Variants in WSCD2 observed in about 807,000 individuals in gnomAD.
WSCD2 encodes the protein WSC domain sialate O sulfotransferase 2, also known as sialate:O-sulfotransferase 2.
In WSCD2, 28 loss-of-function variants were observed where a neutral mutation model predicts 55.7. That is an observed-to-expected ratio of 0.50 (90% CI 0.37 to 0.69). WSCD2 has a LOEUF of 0.69. Among genes scored for constraint, WSCD2 ranks in the 30% least tolerant of loss-of-function variants. The pLI, the probability that WSCD2 is intolerant of heterozygous loss-of-function variation, is 0.00. For synonymous variants in WSCD2, 301 were observed against 301.9 expected (o/e 1.00, Z 0.03); for missense variants, 616 against 762.1 (o/e 0.81, Z 2.26).
intron 2 of WSCD2, among the ~76,000 whole-genome samples, chr12:108,200,402 C>A (rs2137064089): frequency 6.6e-6 from 1 of 152,348 alleles, no homozygotes; most frequent in Non-Finnish European, 1.5e-5. Context: ...GATCAGAGTC[C>A]AAAGCCCTTA....
At chr12:108,156,177 A>G (rs962922401) in intron 1 of WSCD2, among the ~76,000 whole-genome samples, 8 of 152,204 alleles carry the variant, frequency 5.3e-5, no homozygotes, top group African/African-American at 1.9e-4. Flanking sequence ...AAGGCAGTAG[A>G]TTTGGTTCTT....
chr12:108,136,613 C>T (rs531265938), intron 1 of WSCD2, among the ~76,000 whole-genome samples: 6 of 152,248 alleles, frequency 3.9e-5, no homozygotes, highest in South Asian at 2.1e-4. Flanking sequence ...TTAAGGGACC[C>T]CAGTCTCCAC....
chr12:108,157,196 GA>G (rs1268978578), intron 1 of WSCD2, among the ~76,000 whole-genome samples: 2 of 152,190 alleles, frequency 1.3e-5, no homozygotes, highest in Admixed American at 6.5e-5. Flanking sequence ...TCAGTTTACA[GA>G]AAAATTGAGT....
chr12:108,139,883 C>T (rs1405014231), intron 1 of WSCD2, among the ~76,000 whole-genome samples: 1 of 152,160 alleles, frequency 6.6e-6, no homozygotes, highest in African/African-American at 2.4e-5. Flanking sequence ...CCTAGCTCAG[C>T]AGTGAAAAGC....
chr12:108,210,438 C>T lies in WSCD2; in HGVS notation c.682+133C>T. ...CTCCAAGGCCACCACCGTCCTGCCC[C>T]TGCCTCACCTCTCCCACTCCCTCAC... is the stretch of plus-strand genomic sequence containing the variant. On this transcript the variant is annotated intron_variant, in intron 4 of 8. Transcript: ENST00000547525. This position sits in a 1 kb window ranked among gnomAD's most constrained non-coding sequence, Gnocchi z 4.3. 8.2e-7 allele frequency: 1 copy of T among 1,216,338 alleles called. No individual in the cohort carries two copies. The highest frequency in any genetic ancestry group is 1.1e-6 in the Non-Finnish European group (1 of 892,864). The allele number at this position is 1,216,338 out of a possible 1,614,324, so 75.3% of individuals were successfully genotyped here.
In WSCD2 at chr12:108,179,484, G is replaced by A. The variant is rs556944888; in HGVS notation, c.-551-15798G>A. On this transcript the variant is annotated intron_variant, in intron 1 of 8. Coordinates refer to ENST00000547525, the MANE Select transcript of WSCD2 (RefSeq NM_014653.4). The stretch of plus-strand genomic sequence containing the variant: ...AATGGCCAGTAGCTTTCTCTGGGCT[G>A]GAAGGTCTTCTCTCTGATTCAGGAG... Among the ~76,000 whole-genome samples the A allele has an allele frequency of 4.6e-5, 7 of 152,344 alleles. No homozygotes were observed. In the South Asian group the frequency reaches 1.5e-3, roughly 32 times the overall value.
intron 1 of WSCD2, among the ~76,000 whole-genome samples, 154 bp from the exon 2 acceptor site, chr12:108,195,128 C>G (rs1883744521): frequency 6.6e-6 from 1 of 152,184 alleles, no homozygotes; most frequent in African/African-American, 2.4e-5. Context: ...CAGGGATGCT[C>G]TTTATCTAGC....
chr12:108,176,667 G>A lies in WSCD2; in HGVS notation c.-551-18615G>A, dbSNP rs1031543994. 4.6e-5 allele frequency among the ~76,000 whole-genome samples: 7 copies of A among 152,336 alleles called. No homozygotes were observed. In the South Asian group the frequency reaches 1.0e-3, roughly 23 times the overall value. On this transcript the variant is annotated intron_variant, in intron 1 of 8. Transcript: ENST00000547525. The stretch of plus-strand genomic sequence containing the variant: ...TCATTTCTCTTGGGCAAATACCTAG[G>A]AGTGGACATTTAACTTTTTAAGAAA...
intron 3 of WSCD2, among the ~76,000 whole-genome samples, chr12:108,208,635 C>T (rs1450461085): frequency 1.3e-5 from 2 of 152,096 alleles, no homozygotes; most frequent in Admixed American, 6.5e-5. Context: ...CATGGGAGTA[C>T]ACAGAGGGTA....
At position 108,206,379 on chromosome 12, in the gene WSCD2, G is replaced by A. The variant is rs191412045; in HGVS notation, c.473G>A (p.Arg158His). Residue 158 changes from arginine (R) to histidine (H), a missense_variant, in exon 3 of 9, where the codon CGT becomes CAT. Coordinates refer to ENST00000547525, the MANE Select transcript of WSCD2 (RefSeq NM_014653.4). ...FFDYKKMTIF[R>H]CQDNCAERGY... ...GACTACAAAAAGATGACCATCTTCC[G>A]TTGCCAGGACAACTGTGCTGAACGG... 87 of 1,614,166 alleles carry A rather than the reference G, an allele frequency of 5.4e-5. No individual in the cohort carries two copies. The highest frequency in any genetic ancestry group is 5.0e-5 in the Admixed American group (3 of 60,022).
chr12:108,235,995 C>T (rs925027808), intron 7 of WSCD2, among the ~76,000 whole-genome samples: 3 of 152,180 alleles, frequency 2.0e-5, no homozygotes, highest in African/African-American at 7.2e-5. Context: ...TTCATGAAAT[C>T]CTTTGCCGCA....
intron 1 of WSCD2, among the ~76,000 whole-genome samples, chr12:108,163,716 G>A (rs1045424489): frequency 2.0e-5 from 3 of 152,184 alleles, no homozygotes; most frequent in East Asian, 1.9e-4. Flanking sequence ...GGGGCCAGGA[G>A]CCAAGGCATG....
chr12:108,196,100 G>A lies in WSCD2; in HGVS notation c.268G>A (p.Gly90Arg), dbSNP rs567605529. ...GEASSIARRYGPWFKGKDGNE... is the reference protein window; with the variant it reads ...GEASSIARRYRPWFKGKDGNE... The stretch of plus-strand genomic sequence containing the variant: ...AGCCTCAAGCATTGCTCGCAGGTAC[G>A]GACCCTGGTTCAAGGGCAAGGATGG... The change falls in exon 2 of 9, where the codon GGA (glycine) becomes AGA (arginine). Residue 90 changes from glycine (G) to arginine (R), a missense_variant. Gly to Arg is a moderately radical substitution (Grantham distance 125). This residue lies in a region of WSCD2 where 374 missense variants were observed against 467.4 expected (regional missense o/e 0.80). Coordinates refer to ENST00000547525, the MANE Select transcript of WSCD2 (RefSeq NM_014653.4). 28 of 1,614,086 alleles carry A rather than the reference G, an allele frequency of 1.7e-5. No homozygotes were observed. The highest frequency in any genetic ancestry group is 4.5e-5 in the East Asian group (2 of 44,864).
chr12:108,153,145 A>T (rs1411902811), intron 1 of WSCD2, among the ~76,000 whole-genome samples: 2 of 138,106 alleles, frequency 1.4e-5, no homozygotes, highest in Non-Finnish European at 3.2e-5. Flanking sequence ...ACTTAGCACG[A>T]GTACTTACAT....
intron 1 of WSCD2, among the ~76,000 whole-genome samples, chr12:108,141,927 T>G (rs1481671564): frequency 6.6e-6 from 1 of 152,158 alleles, no homozygotes; most frequent in African/African-American, 2.4e-5. Context: ...CAACTTGAGA[T>G]GGGAGCCTAT....
At chr12:108,209,856 C>G (rs556898339) in intron 3 of WSCD2, among the ~76,000 whole-genome samples, 5 of 152,010 alleles carry the variant, frequency 3.3e-5, no homozygotes, top group Non-Finnish European at 2.9e-5. Context: ...TGCTACCTCC[C>G]TAATCTCATT....
intron 1 of WSCD2, among the ~76,000 whole-genome samples, chr12:108,151,684 G>T (rs1052151889): frequency 6.6e-6 from 1 of 152,092 alleles, no homozygotes; most frequent in African/African-American, 2.4e-5. Context: ...GGAATCTCCC[G>T]GAATGCCATG....
At position 108,206,332 on chromosome 12, in the gene WSCD2, C is replaced by A; in HGVS notation, c.426C>A (p.Ala142=). 6.2e-7 allele frequency: 1 copy of A among 1,614,212 alleles called. No individual in the cohort carries two copies. Among genetic ancestry groups the A allele is most frequent in the South Asian group, 1.1e-5 (1 of 91,086 alleles). The part of the protein sequence containing the change: ...GCYLDDTQSR[A]LRGVSFFDYK... ...ACCTGGATGACACCCAGAGTCGGGC[C>A]CTTCGAGGAGTGTCCTTTTTTGACT... is the stretch of plus-strand genomic sequence containing the variant. The change falls in exon 3 of 9, where the codon GCC becomes GCA. Residue 142 remains alanine (A), a synonymous_variant. Coordinates refer to ENST00000547525, the MANE Select transcript of WSCD2 (RefSeq NM_014653.4).
chr12:108,242,965 C>A (rs1325082212), intron 8 of WSCD2, among the ~76,000 whole-genome samples: 2 of 152,250 alleles, frequency 1.3e-5, no homozygotes, highest in East Asian at 1.9e-4. Flanking sequence ...GGGATCTTCT[C>A]CAAGTGCCCC....
Sources: gnomAD v4.1 joint callset for allele counts (sites outside exome capture counted in the v4.1 genomes callset) on GRCh38, gnomAD v4.1.1 for gene constraint, gnomAD v4.1.1 regional missense constraint, Gnocchi (gnomAD v3.1) non-coding constraint, MANE v1.5 for transcripts, NCBI Gene and HGNC (gene_info 2026-07-23, HGNC 2026-07-21) for gene names.